Variants in WDR49 observed in about 807,000 individuals in gnomAD.
WDR49 encodes cilia- and flagella-associated protein 337.
WDR49 carries 107 observed loss-of-function variants against 119.5 expected under a neutral mutation model. The ratio of observed to expected loss-of-function variants is 0.90; its 90% CI spans 0.77 to 1.05. WDR49 has a LOEUF of 1.05. WDR49 is among the 50% of genes least tolerant of loss of function. WDR49 has a pLI of 0.00. For synonymous variants in WDR49, 425 were observed against 418.8 expected, an observed-to-expected ratio of 1.01 and a Z score of -0.18; for missense variants, 1,240 against 1,220.5, an observed-to-expected ratio of 1.02 and a Z score of -0.24.
chr3:167,561,982 G>C (rs969520928), intron 8 of WDR49, among the ~76,000 whole-genome samples: 1 of 152,022 alleles, frequency 6.6e-6, no homozygotes, highest in Non-Finnish European at 1.5e-5. Context: ...TGAGCGCAGA[G>C]TATTTGAAGG....
At chr3:167,608,436 G>A (rs899430913) in intron 5 of WDR49, among the ~76,000 whole-genome samples, 1 of 152,180 alleles carries the variant, frequency 6.6e-6, no homozygotes, top group African/African-American at 2.4e-5. Context: ...ATGCTGCTCT[G>A]GCATCCGAAG....
At chr3:167,590,964 G>T (rs766061067) in intron 7 of WDR49, among the ~76,000 whole-genome samples, 7 of 151,526 alleles carry the variant, frequency 4.6e-5, no homozygotes, top group African/African-American at 9.7e-5. Context: ...CTACAGATTT[G>T]GGGTTTGGTT....
chr3:167,537,818 T>C (rs1711559367), intron 10 of WDR49, among the ~76,000 whole-genome samples: 1 of 152,114 alleles, frequency 6.6e-6, no homozygotes, highest in Admixed American at 6.6e-5. Flanking sequence ...CATCTAGATC[T>C]CATGTGAGCA....
chr3:167,649,517 C>A (rs1190754041), intron 2 of WDR49, among the ~76,000 whole-genome samples: 2 of 152,092 alleles, frequency 1.3e-5, no homozygotes, highest in African/African-American at 4.8e-5. Context: ...ATGAGAATAT[C>A]AAAATTCTTT....
intron 16 of WDR49, among the ~76,000 whole-genome samples, chr3:167,517,675 T>C (rs1041178829): frequency 1.3e-5 from 2 of 151,756 alleles, no homozygotes; most frequent in Non-Finnish European, 2.9e-5. Context: ...ACCAATGAGA[T>C]ATTTTTTTTT....
At chr3:167,568,956 T>TG (rs1338488665) in intron 8 of WDR49, among the ~76,000 whole-genome samples, 1 of 151,990 alleles carries the variant, frequency 6.6e-6, no homozygotes, top group African/African-American at 2.4e-5. Flanking sequence ...TTTTTTTTTT[T>TG]TTTGAGACAA....
chr3:167,565,122 CAGAGTACAA>C (rs1435449377), intron 8 of WDR49, among the ~76,000 whole-genome samples: 1 of 152,010 alleles, frequency 6.6e-6, no homozygotes, highest in African/African-American at 2.4e-5. Flanking sequence ...GATGATATCT[CAGAGTACAA>C]GTACAAATTA....
intron 2 of WDR49, among the ~76,000 whole-genome samples, chr3:167,642,974 G>A (rs1717951002): frequency 6.6e-6 from 1 of 151,996 alleles, no homozygotes; most frequent in South Asian, 2.1e-4. Flanking sequence ...GAGGGTGAAA[G>A]AGAAGAGGGG....
At chr3:167,628,388 A>G (rs1717225360) in intron 2 of WDR49, among the ~76,000 whole-genome samples, 1 of 152,162 alleles carries the variant, frequency 6.6e-6, no homozygotes, top group African/African-American at 2.4e-5. Flanking sequence ...TGTAAAGGAA[A>G]AGTTCTTGAA....
At chr3:167,596,294 T>C (rs1176362551) in intron 7 of WDR49, among the ~76,000 whole-genome samples, 1 of 149,312 alleles carries the variant, frequency 6.7e-6, no homozygotes, top group Admixed American at 6.6e-5. Flanking sequence ...AGTTCAACCA[T>C]TGTGGAAGTC....
Position 167,525,574 on chromosome 3 carries a change from T to C in WDR49, c.2604+2246A>G, listed in dbSNP as rs537648386. Among the ~76,000 whole-genome samples the C allele has an allele frequency of 2.0e-5, 3 of 152,214 alleles. No homozygotes were observed. In the South Asian group the frequency reaches 6.2e-4, roughly 32 times the overall value. Reference sequence around the variant, plus strand: ...TCAATCAGATGAGGAGAGTTGCCAGTACATAAATTCTGCCTAGCACAACAG... The same window carrying C: ...TCAATCAGATGAGGAGAGTTGCCAGCACATAAATTCTGCCTAGCACAACAG... On this transcript the variant is annotated intron_variant, in intron 15 of 18. Transcript: ENST00000682715.
At chr3:167,585,397 T>C (rs1485782477) in intron 7 of WDR49, among the ~76,000 whole-genome samples, 4 of 131,202 alleles carry the variant, frequency 3.0e-5, no homozygotes, top group African/African-American at 6.9e-5. Context: ...GGTGCGTGTG[T>C]GTGTGTGTGT....
intron 5 of WDR49, among the ~76,000 whole-genome samples, chr3:167,611,159 A>G (rs1490111538): frequency 6.6e-6 from 1 of 152,198 alleles, no homozygotes; most frequent in Non-Finnish European, 1.5e-5. Flanking sequence ...TCAGTACAAT[A>G]AGATATAAAT....
intron 10 of WDR49, among the ~76,000 whole-genome samples, chr3:167,541,189 G>A (rs1229492296): frequency 6.6e-6 from 1 of 152,022 alleles, no homozygotes. Flanking sequence ...CCAAATACAA[G>A]AAGCTCAAAG....
intron 16 of WDR49, among the ~76,000 whole-genome samples, chr3:167,509,943 T>TCC (rs1560257968): frequency 0.032 from 4,867 of 152,036 alleles, 248 homozygotes; most frequent in African/African-American, 0.11. Context: ...AAGTCACAGT[T>TCC]ATTTTTATAA....
At chr3:167,610,630 A>C (rs1224281065) in intron 5 of WDR49, among the ~76,000 whole-genome samples, 2 of 152,232 alleles carry the variant, frequency 1.3e-5, no homozygotes, top group Admixed American at 1.3e-4. Context: ...CTAAAGGCAA[A>C]GACACAGGCC....
intron 10 of WDR49, among the ~76,000 whole-genome samples, chr3:167,538,219 A>G (rs1711574314): frequency 6.6e-6 from 1 of 152,072 alleles, no homozygotes; most frequent in Non-Finnish European, 1.5e-5. Flanking sequence ...TCCATTTGCC[A>G]GTTGACAGTT....
chr3:167,516,944 C>T (rs192508521), intron 16 of WDR49, among the ~76,000 whole-genome samples: 32 of 152,020 alleles, frequency 2.1e-4, no homozygotes, highest in Admixed American at 1.2e-3. Flanking sequence ...GACATTTATG[C>T]AGCCAAAAGA....
intron 5 of WDR49, among the ~76,000 whole-genome samples, chr3:167,614,462 G>A (rs1018104097): frequency 6.6e-6 from 1 of 152,100 alleles, no homozygotes; most frequent in Non-Finnish European, 1.5e-5. Context: ...TCTATATGAG[G>A]AGGAAATTAT....
Sources: allele counts gnomAD v4.1 joint callset (sites outside exome capture counted in the v4.1 genomes callset), GRCh38; gene constraint gnomAD v4.1.1; transcripts MANE v1.5; gene names NCBI Gene and HGNC (gene_info 2026-07-23, HGNC 2026-07-21).